ZNF331: variants seen among roughly 807,000 people sequenced by gnomAD.
ZNF331 encodes zinc finger protein 331.
ZNF331 carries 2 observed loss-of-function variants against 7.0 expected under a neutral mutation model. That is an observed-to-expected ratio of 0.29 (90% CI 0.12 to 0.90). The LOEUF is 0.90. ZNF331 is among the 40% of genes least tolerant of loss of function. The probability of loss-of-function intolerance (pLI) is 0.58; values close to 1 mark genes in which losing one functional copy is unlikely to be tolerated. For synonymous variants in ZNF331, 196 were observed against 205.4 expected, an observed-to-expected ratio of 0.95 and a Z score of 0.39; for missense variants, 432 against 587.7, an observed-to-expected ratio of 0.74 and a Z score of 2.74.
chr19:53,506,432 CTCTCTCTCTCTG>C, the ZNF331 span, among the ~76,000 whole-genome samples: 13 of 91,628 alleles, frequency 1.4e-4, no homozygotes, highest in African/African-American at 3.1e-4. Context: ...CTCTCTCTCT[CTCTCTCTCTCTG>C]TCTCTCTCTC....
chr19:53,577,601 G>A lies in ZNF331; in HGVS notation c.1041G>A (p.Arg347=). 1.9e-6 allele frequency: 3 copies of A among 1,613,710 alleles called. No individual in the cohort carries two copies. Among genetic ancestry groups the A allele is most frequent in the Non-Finnish European group, 2.5e-6 (3 of 1,179,952 alleles). Residue 347 remains arginine, a synonymous_variant, in exon 6 of 6, where the codon AGG becomes AGA. Transcript: ENST00000449416. ...GTTCGAGCCTCGTTAAGCACGAGAG[G>A]ATACATACGGGCGAGAAGCCGTACA... ...RWGSSLVKHE[R]IHTGEKPYKC...
chr19:53,524,360 A>G (rs1251750833), intron 2 of ZNF331, among the ~76,000 whole-genome samples: 2 of 152,190 alleles, frequency 1.3e-5, no homozygotes, highest in Admixed American at 1.3e-4. Context: ...CAATGGTTGA[A>G]CTAATTTACA....
chr19:53,571,099 T>G lies in ZNF331; in HGVS notation c.10-505T>G, dbSNP rs1315983036. The stretch of plus-strand genomic sequence containing the variant: ...TGGTCTCGATCTCCTGACCTCGTGA[T>G]CCGCCTGCCTTGTTCTCGTGATCCG... On this transcript the variant is annotated intron_variant, in intron 4 of 5. Coordinates refer to ENST00000449416, the MANE Select transcript of ZNF331 (RefSeq NM_001079906.2). This position sits in a 1 kb window ranked among gnomAD's most constrained non-coding sequence, Gnocchi z 4.7. Among the ~76,000 whole-genome samples the G allele has an allele frequency of 6.6e-6, 1 of 152,010 alleles. No homozygotes were observed. The highest frequency in any genetic ancestry group is 2.4e-5 in the African/African-American group (1 of 41,398).
At chr19:53,522,628 G>GA (rs1241719875) in exon 2 of ZNF331, 1 of 152,206 alleles carries the variant, frequency 6.6e-6, no homozygotes, top group Non-Finnish European at 1.5e-5. Flanking sequence ...TGGCCTTCAG[G>GA]AAAAGCATCC....
upstream of ZNF331, among the ~76,000 whole-genome samples, chr19:53,520,370 C>A (rs1233531576): frequency 6.6e-6 from 1 of 152,106 alleles, no homozygotes; most frequent in Non-Finnish European, 1.5e-5. Context: ...CCCAGAAGGA[C>A]GCGGGGACAC....
rs532699841 is a variant in ZNF331 at position 53,539,442 on chromosome 19, C to T, written c.-138+160C>T. On this transcript the variant is annotated intron_variant, in intron 2 of 5. Coordinates refer to ENST00000449416, the MANE Select transcript of ZNF331 (RefSeq NM_001079906.2). This position sits in a 1 kb window ranked among gnomAD's most constrained non-coding sequence, Gnocchi z 6.1. ...GAGGAGGGTGAAATGCATTAACACG[C>T]ATAAAACCCATAGACGCGCACCCCT... 3.3e-5 allele frequency: 5 copies of T among 152,238 alleles called. No homozygotes were observed. The highest frequency in any genetic ancestry group is 5.9e-5 in the Non-Finnish European group (4 of 68,012). The allele number at this position is 152,238 out of a possible 1,614,324, so 9.4% of individuals were successfully genotyped here. A position where few individuals can be genotyped will look rare whatever the true frequency, so the allele number is the denominator to read the frequency against.
At chr19:53,534,311 A>G (rs943512199), upstream of ZNF331, among the ~76,000 whole-genome samples, 4 of 148,058 alleles carry the variant, frequency 2.7e-5, no homozygotes, top group Admixed American at 6.7e-5. Context: ...TTTTTGATAC[A>G]GAGTCTCACT....
chr19:53,570,535 CTT>C (rs913957435), intron 4 of ZNF331, among the ~76,000 whole-genome samples: 1 of 147,510 alleles, frequency 6.8e-6, no homozygotes. Context: ...ACCGTATTTT[CTT>C]TTTTTTTTTC....
chr19:53,554,174 G>C (rs1303109455), intron 2 of ZNF331, among the ~76,000 whole-genome samples: 1 of 152,214 alleles, frequency 6.6e-6, no homozygotes, highest in African/African-American at 2.4e-5. Context: ...GCCAAGCATG[G>C]GGGTAGGGGG....
intron 4 of ZNF331, among the ~76,000 whole-genome samples, chr19:53,570,820 C>T (rs2090406600): frequency 6.6e-6 from 1 of 151,480 alleles, no homozygotes. Context: ...GCATGAGCCA[C>T]CACACCCAGC....
chr19:53,514,928 C>T (rs909566034), upstream of ZNF331, among the ~76,000 whole-genome samples: 3 of 152,118 alleles, frequency 2.0e-5, no homozygotes, highest in African/African-American at 4.8e-5. Flanking sequence ...GGATTACAGG[C>T]GGGAGCCATG....
In ZNF331 at chr19:53,579,269, G is replaced by A. The variant is rs2090842768; in HGVS notation, c.*1317G>A. ...ACCAGTACCATTCTGTCTTTACTCC[G>A]TGGCATCTGTGGAATAACCCTGCTA... On this transcript the variant is annotated 3_prime_UTR_variant, in exon 6 of 6. Coordinates refer to ENST00000449416, the MANE Select transcript of ZNF331 (RefSeq NM_001079906.2). 5 of 216,158 alleles carry A rather than the reference G, an allele frequency of 2.3e-5. No homozygotes were observed. Among genetic ancestry groups the A allele is most frequent in the East Asian group, 1.3e-4 (2 of 14,830 alleles). The allele number at this position is 216,158 out of a possible 1,614,324, so 13.4% of individuals were successfully genotyped here.
At chr19:53,524,693 A>T (rs1326038839) in intron 2 of ZNF331, among the ~76,000 whole-genome samples, 1 of 151,730 alleles carries the variant, frequency 6.6e-6, no homozygotes, top group Non-Finnish European at 1.5e-5. Context: ...GATTGCAAAA[A>T]TTTTCTCCCA....
chr19:53,570,858 C>CTT lies in ZNF331; in HGVS notation c.10-743_10-742dup, dbSNP rs201661416. On this transcript the variant is annotated intron_variant, in intron 4 of 5. Coordinates refer to ENST00000449416, the MANE Select transcript of ZNF331 (RefSeq NM_001079906.2). The stretch of plus-strand genomic sequence containing the variant: ...ACCCTATCTTCTTTTCTTTTCTTTT[C>CTT]TTTTCTTTTTTTTTTTGAGACAGAG... Among the ~76,000 whole-genome samples the CTT allele has an allele frequency of 9.0e-4, 118 of 131,186 alleles. 1 individual carries two copies. The highest frequency in any genetic ancestry group is 2.8e-3 in the African/African-American group (95 of 34,170). 86.1% of individuals were successfully genotyped at this position (131,186 alleles called of 152,430 possible).
At position 53,573,512 on chromosome 19, in the gene ZNF331, G is replaced by C. The variant is rs1181858913; in HGVS notation, c.136+1782G>C. Among the ~76,000 whole-genome samples, 1 of 151,592 alleles carries C rather than the reference G, an allele frequency of 6.6e-6. No individual in the cohort carries two copies. Among genetic ancestry groups the C allele is most frequent in the Non-Finnish European group, 1.5e-5 (1 of 67,964 alleles). The stretch of plus-strand genomic sequence containing the variant: ...TTTCTTTTTTTCACTCTGTTACTCA[G>C]GCTGGAGTGCAGTGGCGCGATCACA... On this transcript the variant is annotated intron_variant, in intron 5 of 5. Transcript: ENST00000449416. This position sits in a 1 kb window ranked among gnomAD's most constrained non-coding sequence, Gnocchi z 4.2.
At chr19:53,528,593 C>A (rs2087399472) in intron 2 of ZNF331, among the ~76,000 whole-genome samples, 1 of 152,202 alleles carries the variant, frequency 6.6e-6, no homozygotes, top group African/African-American at 2.4e-5. Flanking sequence ...AGTTGTACTG[C>A]AGAGCCTGTG....
intron 2 of ZNF331, among the ~76,000 whole-genome samples, chr19:53,549,049 A>T (rs1454360818): frequency 6.6e-6 from 1 of 151,864 alleles, no homozygotes; most frequent in Admixed American, 6.6e-5. Context: ...GAGTTTCCCC[A>T]TGTTGGCCAG....
intron 3 of ZNF331, among the ~76,000 whole-genome samples, chr19:53,562,844 C>T (rs149981131): frequency 7.3e-5 from 11 of 151,650 alleles, no homozygotes; most frequent in Middle Eastern, 6.9e-3. Flanking sequence ...AAAAAATAGC[C>T]GGGCATGGTG....
chr19:53,551,201 A>G (rs887826017), intron 2 of ZNF331, among the ~76,000 whole-genome samples: 10 of 152,184 alleles, frequency 6.6e-5, no homozygotes, highest in African/African-American at 2.4e-4. Flanking sequence ...GCCAACTGCA[A>G]AAAAATTCAG....
Sources: gnomAD v4.1 joint callset for allele counts (sites outside exome capture counted in the v4.1 genomes callset) on GRCh38, gnomAD v4.1.1 for gene constraint, Gnocchi (gnomAD v3.1) non-coding constraint, MANE v1.5 for transcripts, NCBI Gene and HGNC (gene_info 2026-07-23, HGNC 2026-07-21) for gene names.